Variants in UBE2G1 observed in about 807,000 individuals in gnomAD.
UBE2G1 encodes the protein ubiquitin conjugating enzyme E2 G1.
In UBE2G1, 5 loss-of-function variants were observed where a neutral mutation model predicts 22.7. That is an observed-to-expected ratio of 0.22 (90% CI 0.12 to 0.46). UBE2G1 has a LOEUF of 0.46. Ranked by LOEUF, UBE2G1 falls within the 20% of genes least tolerant of loss-of-function variation. UBE2G1 has a pLI of 0.99. For missense variants in UBE2G1, 88 were observed against 203.9 expected (o/e 0.43, Z 3.46); for synonymous variants, 74 against 67.5 (o/e 1.10, Z -0.47).
intron 1 of UBE2G1, among the ~76,000 whole-genome samples, chr17:4,313,146 G>A (rs2143744601): frequency 6.6e-6 from 1 of 152,222 alleles, no homozygotes; most frequent in South Asian, 2.1e-4. Flanking sequence ...AAACAAAGAG[G>A]TATAAAACCT....
At chr17:4,330,733 AT>A (rs1259367645) in intron 1 of UBE2G1, among the ~76,000 whole-genome samples, 1 of 151,948 alleles carries the variant, frequency 6.6e-6, no homozygotes, top group African/African-American at 2.4e-5. Flanking sequence ...GTGAAACTCC[AT>A]CTCAAATAAA....
intron 1 of UBE2G1, among the ~76,000 whole-genome samples, chr17:4,316,729 A>T (rs1022242606): frequency 6.6e-6 from 1 of 152,020 alleles, no homozygotes; most frequent in Non-Finnish European, 1.5e-5. Context: ...TCATACCTGT[A>T]ATCTCAGTGC....
At chr17:4,325,955 C>G (rs1969500457) in intron 1 of UBE2G1, among the ~76,000 whole-genome samples, 1 of 151,940 alleles carries the variant, frequency 6.6e-6, no homozygotes, top group African/African-American at 2.4e-5. Context: ...ACATGATATG[C>G]AAAAAATAAC....
intron 1 of UBE2G1, among the ~76,000 whole-genome samples, chr17:4,328,850 G>C (rs1289046218): frequency 6.6e-6 from 1 of 152,196 alleles, no homozygotes; most frequent in Non-Finnish European, 1.5e-5. Flanking sequence ...ACTTTGGGAG[G>C]CCGGGGCGGG....
At chr17:4,359,795 T>C (rs945932021) in intron 1 of UBE2G1, among the ~76,000 whole-genome samples, 1 of 146,336 alleles carries the variant, frequency 6.8e-6, no homozygotes. Context: ...GAGGCTGCAG[T>C]GAGCCAAGAT....
chr17:4,365,444 G>A (rs1053488849), intron 1 of UBE2G1, among the ~76,000 whole-genome samples: 1 of 152,228 alleles, frequency 6.6e-6, no homozygotes, highest in Non-Finnish European at 1.5e-5. Flanking sequence ...CCGGGACAAT[G>A]GGGGAGGGGG....
chr17:4,356,775 C>T (rs573726510), intron 1 of UBE2G1, among the ~76,000 whole-genome samples: 1 of 152,338 alleles, frequency 6.6e-6, no homozygotes, highest in Non-Finnish European at 1.5e-5. Flanking sequence ...TTTCAACTTC[C>T]TGTTCCTTGA....
At chr17:4,321,504 T>G (rs1969437691) in intron 1 of UBE2G1, among the ~76,000 whole-genome samples, 1 of 152,300 alleles carries the variant, frequency 6.6e-6, no homozygotes, top group Admixed American at 6.5e-5. Context: ...CCTTCTTTCT[T>G]TTTTTGGAGA....
At chr17:4,309,684 C>A (rs1245003533) in intron 1 of UBE2G1, among the ~76,000 whole-genome samples, 1 of 152,190 alleles carries the variant, frequency 6.6e-6, no homozygotes, top group Non-Finnish European at 1.5e-5. Context: ...TAGAGAAACA[C>A]CATTACATTA....
chr17:4,354,947 T>C (rs1197626435), intron 1 of UBE2G1, among the ~76,000 whole-genome samples: 1 of 151,748 alleles, frequency 6.6e-6, no homozygotes, highest in Non-Finnish European at 1.5e-5. Context: ...AAGGAAAAAT[T>C]AGCCAGGTGT....
rs569432107 is a variant in UBE2G1 at position 4,333,782 on chromosome 17, G to A, written c.47-26659C>T. ...TGCAGTGAGCCGAGATTGCACCACT[G>A]CACTCCAGCCTGGGTGACACAGTGA... On this transcript the variant is annotated intron_variant, in intron 1 of 5. Transcript: ENST00000396981. Among the ~76,000 whole-genome samples the A allele has an allele frequency of 2.0e-5, 3 of 152,094 alleles. No homozygotes were observed. The East Asian group carries it at 5.8e-4, about 29-fold the overall frequency.
intron 1 of UBE2G1, among the ~76,000 whole-genome samples, chr17:4,362,846 G>A (rs997988382): frequency 1.3e-5 from 2 of 152,168 alleles, no homozygotes; most frequent in East Asian, 1.9e-4. Flanking sequence ...TGGGTGAAAG[G>A]TGGTGGTGGC....
In UBE2G1 at chr17:4,269,554, C is replaced by T. The variant is rs548737009; in HGVS notation, c.*3000G>A. The stretch of plus-strand genomic sequence containing the variant: ...TGAGTGGGCATATCAAATAAAATCT[C>T]ACAACCAAGAATGAAGGCCGTTAAA... On this transcript the variant is annotated 3_prime_UTR_variant, in exon 6 of 6. Coordinates refer to ENST00000396981, the MANE Select transcript of UBE2G1 (RefSeq NM_003342.5). 1 of 186,308 alleles carries T rather than the reference C, an allele frequency of 5.4e-6. No individual in the cohort carries two copies. Among genetic ancestry groups the T allele is most frequent in the South Asian group, 1.4e-4 (1 of 6,992 alleles). 11.5% of individuals were successfully genotyped at this position (186,308 alleles called of 1,614,324 possible).
intron 2 of UBE2G1, among the ~76,000 whole-genome samples, chr17:4,306,052 T>C (rs916023406): frequency 1.3e-5 from 2 of 152,228 alleles, no homozygotes; most frequent in African/African-American, 4.8e-5. Flanking sequence ...AGTCAGTTAA[T>C]AGATTATCAT....
chr17:4,351,523 A>G (rs1321165731), intron 1 of UBE2G1, among the ~76,000 whole-genome samples: 3 of 152,356 alleles, frequency 2.0e-5, no homozygotes, highest in African/African-American at 7.2e-5. Context: ...AGAGATGTAG[A>G]AATAACCAGA....
intron 1 of UBE2G1, among the ~76,000 whole-genome samples, chr17:4,363,950 CAAAAAAAAAAAAAA>C (rs1195720643): frequency 1.4e-4 from 6 of 43,890 alleles, no homozygotes; most frequent in African/African-American, 2.7e-4. Flanking sequence ...GACTCCGTCT[CAAAAAAAAAAAAAA>C]AAAAAAAAAA....
intron 1 of UBE2G1, among the ~76,000 whole-genome samples, chr17:4,333,395 G>A (rs1409159245): frequency 1.3e-5 from 2 of 152,144 alleles, no homozygotes; most frequent in East Asian, 1.9e-4. Flanking sequence ...TGTAAAAGAC[G>A]GGCCGGGCAC....
At chr17:4,304,953 CTTT>C (rs554912028) in intron 2 of UBE2G1, among the ~76,000 whole-genome samples, 3 of 137,116 alleles carry the variant, frequency 2.2e-5, no homozygotes, top group African/African-American at 5.4e-5. Flanking sequence ...TTTTTAAGAA[CTTT>C]TTTTTTTTTT....
chr17:4,360,111 CTA>C (rs1195770548), intron 1 of UBE2G1, among the ~76,000 whole-genome samples: 1 of 152,132 alleles, frequency 6.6e-6, no homozygotes, highest in Non-Finnish European at 1.5e-5. Context: ...TAAAACTACA[CTA>C]TGTTTACCTT....
Sources: gnomAD v4.1 joint callset for allele counts (sites outside exome capture counted in the v4.1 genomes callset) on GRCh38, gnomAD v4.1.1 for gene constraint, MANE v1.5 for transcripts, NCBI Gene and HGNC (gene_info 2026-07-23, HGNC 2026-07-21) for gene names.